Variants in SCARA3 observed in about 807,000 individuals in gnomAD.
SCARA3 encodes scavenger receptor class A member 3, also known as cellular stress response gene protein.
Under a neutral mutation model 47.0 loss-of-function variants are expected in SCARA3, and 39 were observed. The observed-to-expected ratio is 0.83, with a 90% CI of 0.64 to 1.08. The LOEUF is 1.08. SCARA3 is among the 50% of genes least tolerant of loss of function. The pLI, the probability that SCARA3 is intolerant of heterozygous loss-of-function variation, is 0.00. For missense variants in SCARA3, 724 were observed against 792.3 expected, an observed-to-expected ratio of 0.91 and a Z score of 1.04; for synonymous variants, 356 against 334.1, an observed-to-expected ratio of 1.07 and a Z score of -0.71.
chr8:27,680,004 CAG>C (rs756668842), downstream of SCARA3: 2 of 151,706 alleles, frequency 1.3e-5, no homozygotes, highest in Non-Finnish European at 2.9e-5. Flanking sequence ...GAAAAAAAAT[CAG>C]AGAAAATTAG....
At position 27,659,245 on chromosome 8, in the gene SCARA3, A is replaced by T. The variant is rs1187354325; in HGVS notation, c.1075A>T (p.Thr359Ser). ...RMASHEIEIG[T>S]IFTNINATDN... is the part of the protein sequence containing the mutation. ...GGCTTCTCACGAGATTGAAATTGGC[A>T]CCATCTTCACCAACATCAATGCCAC... Residue 359 changes from threonine to serine, a missense_variant, in exon 5 of 6, where the codon ACC becomes TCC. Physicochemically the swap from Thr to Ser is moderately conservative, Grantham distance 58 (BLOSUM62 1). Transcript: ENST00000301904. 10 of 1,614,014 alleles carry T rather than the reference A, an allele frequency of 6.2e-6. No homozygotes were observed. The highest frequency in any genetic ancestry group is 8.5e-6 in the Non-Finnish European group (10 of 1,180,036).
intron 5 of SCARA3, among the ~76,000 whole-genome samples, chr8:27,660,862 ATAGATAG>A (rs1801899281): frequency 6.6e-6 from 1 of 151,996 alleles, no homozygotes; most frequent in East Asian, 1.9e-4. Context: ...AGATAGATAG[ATAGATAG>A]ATAGATAGAT....
intron 1 of SCARA3, among the ~76,000 whole-genome samples, chr8:27,644,495 G>T (rs1004280838): frequency 1.3e-5 from 2 of 152,164 alleles, no homozygotes; most frequent in African/African-American, 4.8e-5. Context: ...TGTTCCCAGA[G>T]AGGAGTTTTC....
At chr8:27,706,855 C>T in the SCARA3 span, among the ~76,000 whole-genome samples, 1 of 152,072 alleles carries the variant, frequency 6.6e-6, no homozygotes, top group Non-Finnish European at 1.5e-5. Context: ...CAATCACCCC[C>T]ACAGAGCTCT....
chr8:27,675,603 A>T (rs1802263168), downstream of SCARA3, among the ~76,000 whole-genome samples: 1 of 152,176 alleles, frequency 6.6e-6, no homozygotes, highest in South Asian at 2.1e-4. Flanking sequence ...CAGCCTGGCC[A>T]ATATGGTGAA....
chr8:27,731,562 T>C, the SCARA3 span, among the ~76,000 whole-genome samples: 1 of 146,760 alleles, frequency 6.8e-6, no homozygotes, highest in Non-Finnish European at 1.5e-5. Flanking sequence ...GCAGGATAAT[T>C]GCCTCGGAGA....
chr8:27,707,304 A>G, the SCARA3 span, among the ~76,000 whole-genome samples: 2 of 152,158 alleles, frequency 1.3e-5, no homozygotes, highest in African/African-American at 4.8e-5. Flanking sequence ...CTTCCCTGTT[A>G]CCCCAAAGTG....
chr8:27,677,281 GGAAGA>G (rs1563417569), downstream of SCARA3, among the ~76,000 whole-genome samples: 9 of 152,198 alleles, frequency 5.9e-5, no homozygotes, highest in African/African-American at 2.2e-4. Context: ...TAGTCTTATG[GGAAGA>G]AGAAACGGTG....
the SCARA3 span, among the ~76,000 whole-genome samples, chr8:27,706,126 G>A: frequency 6.6e-6 from 1 of 152,122 alleles, no homozygotes; most frequent in African/African-American, 2.4e-5. Flanking sequence ...TGGAGGCCTT[G>A]TATAGCATGC....
In SCARA3 at chr8:27,644,664, A is replaced by C. The variant is rs1801454611; in HGVS notation, c.8-5038A>C. 3.3e-5 allele frequency among the ~76,000 whole-genome samples: 5 copies of C among 151,970 alleles called. No homozygotes were observed. The East Asian group carries it at 9.7e-4, about 29-fold the overall frequency. The stretch of plus-strand genomic sequence containing the variant: ...AGAGAGAGAAGAGAGACAGAAGGCA[A>C]CCAGTGCTATTTCTGCCTTCCTATA... On this transcript the variant is annotated intron_variant, in intron 1 of 5. Transcript: ENST00000301904.
the SCARA3 span, among the ~76,000 whole-genome samples, chr8:27,720,042 CA>C: frequency 6.6e-6 from 1 of 152,032 alleles, no homozygotes; most frequent in East Asian, 1.9e-4. Flanking sequence ...TCTTCAAGGA[CA>C]AACAGGAAAC....
At position 27,668,251 on chromosome 8, in the gene SCARA3, T is replaced by C. The variant is rs34891814; in HGVS notation, c.1370-2649T>C. 8.9e-4 allele frequency among the ~76,000 whole-genome samples: 135 copies of C among 152,166 alleles called. 1 individual carries two copies. The highest frequency in any genetic ancestry group is 8.7e-3 in the South Asian group (42 of 4,818). On this transcript the variant is annotated intron_variant, in intron 5 of 5. Coordinates refer to ENST00000301904, the MANE Select transcript of SCARA3 (RefSeq NM_016240.3). ...CTGCTGGCACAGAATCCCTTAGAAA[T>C]CACAGATAGCCGGGCGCGGTGGCTC... is the stretch of plus-strand genomic sequence containing the variant.
At chr8:27,717,330 A>T in the SCARA3 span, among the ~76,000 whole-genome samples, 1 of 151,410 alleles carries the variant, frequency 6.6e-6, no homozygotes. Context: ...GTTGATGCTG[A>T]TATCAATAAA....
downstream of SCARA3, among the ~76,000 whole-genome samples, chr8:27,681,691 C>T (rs952071880): frequency 1.3e-5 from 2 of 152,174 alleles, no homozygotes; most frequent in African/African-American, 4.8e-5. Context: ...CACTTCACTC[C>T]AGCCTGGGCA....
the SCARA3 span, among the ~76,000 whole-genome samples, chr8:27,697,950 G>A: frequency 6.6e-6 from 1 of 152,118 alleles, no homozygotes; most frequent in Non-Finnish European, 1.5e-5. Flanking sequence ...AGCAGTGTGA[G>A]AACAGACTAA....
chr8:27,691,903 A>T, the SCARA3 span, among the ~76,000 whole-genome samples: 1 of 152,156 alleles, frequency 6.6e-6, no homozygotes, highest in South Asian at 2.1e-4. Context: ...ACAACGCCAG[A>T]TCATGAGTCT....
At chr8:27,717,899 T>A in the SCARA3 span, among the ~76,000 whole-genome samples, 1 of 152,250 alleles carries the variant, frequency 6.6e-6, no homozygotes, top group Non-Finnish European at 1.5e-5. Flanking sequence ...TTAGTCTGTC[T>A]GACTGTCTGT....
At chr8:27,706,444 T>G in the SCARA3 span, among the ~76,000 whole-genome samples, 1 of 152,128 alleles carries the variant, frequency 6.6e-6, no homozygotes, top group Non-Finnish European at 1.5e-5. Flanking sequence ...TGAGCCACCA[T>G]GCCCGTCCTC....
At chr8:27,709,427 G>A in the SCARA3 span, among the ~76,000 whole-genome samples, 1 of 152,300 alleles carries the variant, frequency 6.6e-6, no homozygotes, top group Non-Finnish European at 1.5e-5. Context: ...ACACTCACCT[G>A]GGTTTCCATA....
Sources: gnomAD v4.1 joint callset for allele counts (sites outside exome capture counted in the v4.1 genomes callset) on GRCh38, gnomAD v4.1.1 for gene constraint, MANE v1.5 for transcripts, NCBI Gene and HGNC (gene_info 2026-07-23, HGNC 2026-07-21) for gene names.